ZNF335: variants seen among roughly 807,000 people sequenced by gnomAD.
The protein encoded by ZNF335 is NRC-interacting factor 1.
A neutral mutation model predicts 145.6 loss-of-function variants in ZNF335; 84 were observed. The observed-to-expected ratio is 0.58, with a 90% CI of 0.48 to 0.69. The LOEUF (loss-of-function observed/expected upper bound fraction) is 0.69. Among genes scored for constraint, ZNF335 ranks in the 30% least tolerant of loss-of-function variants. ZNF335 has a pLI of 0.00. For synonymous variants in ZNF335, 761 were observed against 717.0 expected (o/e 1.06, Z -0.98); for missense variants, 1,865 against 1,809.7 (o/e 1.03, Z -0.55).
rs1349497987 is a variant in ZNF335, at chr20:45,948,878, G to A, written c.*75C>T. The A allele has an allele frequency of 2.5e-6, 4 of 1,602,946 alleles. No individual in the cohort carries two copies. The highest frequency in any genetic ancestry group is 3.4e-6 in the Non-Finnish European group (4 of 1,173,128). On this transcript the variant is annotated 3_prime_UTR_variant, in exon 28 of 28. Coordinates refer to ENST00000322927, the MANE Select transcript of ZNF335 (RefSeq NM_022095.4). Reference sequence around the variant, plus strand: ...TATCTGGAGATCCTAAATGAAGAGGGAGGTGAGTCCTGGTGGCCCCCTACC... The same window carrying A: ...TATCTGGAGATCCTAAATGAAGAGGAAGGTGAGTCCTGGTGGCCCCCTACC...
intron 7 of ZNF335, among the ~76,000 whole-genome samples, chr20:45,965,003 C>A (rs929769740): frequency 3.3e-5 from 5 of 150,796 alleles, no homozygotes; most frequent in African/African-American, 4.9e-5. Flanking sequence ...TGCACTCCAG[C>A]CCGGGCAAGA....
chr20:45,963,662 G>C lies in ZNF335; in HGVS notation c.1356-12C>G. 4.3e-6 allele frequency: 7 copies of C among 1,613,988 alleles called. No individual in the cohort carries two copies. Among genetic ancestry groups the C allele is most frequent in the Non-Finnish European group, 5.9e-6 (7 of 1,179,824 alleles). On this transcript the variant is annotated splice_polypyrimidine_tract_variant and intron_variant, in intron 8 of 27. Transcript: ENST00000322927. Reference sequence around the variant, plus strand: ...ACTTGTAATAGTACCTGCAGGATGAGAGTGTGGCGGAAAGGTCTGGTGGGG... The same window carrying C: ...ACTTGTAATAGTACCTGCAGGATGACAGTGTGGCGGAAAGGTCTGGTGGGG...
At chr20:45,953,215 C>T (rs1208633147) in intron 18 of ZNF335, among the ~76,000 whole-genome samples, 1 of 152,230 alleles carries the variant, frequency 6.6e-6, no homozygotes, top group Non-Finnish European at 1.5e-5. Context: ...ATAAACATGC[C>T]TGCCCAAGCT....
Position 45,960,889 on chromosome 20 carries a change from G to C in ZNF335, c.1647-7C>G, listed in dbSNP as rs1346675191. On this transcript the variant is annotated splice_region_variant and splice_polypyrimidine_tract_variant and intron_variant, in intron 10 of 27. Coordinates refer to ENST00000322927, the MANE Select transcript of ZNF335 (RefSeq NM_022095.4). The stretch of plus-strand genomic sequence containing the variant: ...CGGATCTGGCCTCTTCTTCCTGTGG[G>C]GAAAAGGCCGAGGAATTAGACCAGA... The C allele has an allele frequency of 1.9e-6, 3 of 1,613,536 alleles. No homozygotes were observed. The highest frequency in any genetic ancestry group is 2.2e-5 in the East Asian group (1 of 44,852).
Position 45,960,716 on chromosome 20 carries a change from G to C in ZNF335, c.1682C>G (p.Ser561Cys). 1 of 1,614,134 alleles carries C rather than the reference G, an allele frequency of 6.2e-7. No homozygotes were observed. Among genetic ancestry groups the C allele is most frequent in the Non-Finnish European group, 8.5e-7 (1 of 1,179,990 alleles). Residue 561 changes from serine (S) to cysteine (C), a missense_variant, in exon 12 of 28, where the codon TCT (serine) becomes TGT (cysteine). Transcript: ENST00000322927. ...KRPDPTPKLSSFPCPVCGRVY... is the reference protein window; with the variant it reads ...KRPDPTPKLSCFPCPVCGRVY... ...ACGGCCACACACAGGGCAGGGGAAA[G>C]AGCTCAGCTTTGGAGTCTAGGAAGG... is the stretch of plus-strand genomic sequence containing the variant.
Position 45,950,220 on chromosome 20 carries a change from G to C in ZNF335, c.3486C>G (p.His1162Gln). 1 of 1,549,212 alleles carries C rather than the reference G, an allele frequency of 6.5e-7. No homozygotes were observed. The highest frequency in any genetic ancestry group is 1.4e-5 in the African/African-American group (1 of 73,186). ...NSDDETLATLHTALQSSHGVL... is the reference protein window; with the variant it reads ...NSDDETLATLQTALQSSHGVL... ...CCTGTGGCCCCAGGGGCAGCTCACT[G>C]TGCAGGGTGGCCAGTGTTTCGTCAT... The change falls in exon 22 of 28, where the codon CAC (histidine) becomes CAG (glutamine). Residue 1162 changes from histidine to glutamine, a missense_variant and splice_region_variant. Transcript: ENST00000322927.
chr20:45,951,667 C>T (rs1189815091), intron 20 of ZNF335, among the ~76,000 whole-genome samples: 1 of 152,228 alleles, frequency 6.6e-6, no homozygotes, highest in African/African-American at 2.4e-5. Context: ...GGAAGTGGAG[C>T]TCAGGCAGTA....
Position 45,968,038 on chromosome 20 carries a change from G to C in ZNF335, c.521-11C>G. 6.2e-7 allele frequency: 1 copy of C among 1,612,320 alleles called. No homozygotes were observed. The highest frequency in any genetic ancestry group is 8.5e-7 in the Non-Finnish European group (1 of 1,179,974). Reference sequence around the variant, plus strand: ...ATGTCATGGGGGCTCCTGGGGATGGGTGAGGCAATTGGAGGGTGGTTAAAT... The same window carrying C: ...ATGTCATGGGGGCTCCTGGGGATGGCTGAGGCAATTGGAGGGTGGTTAAAT... On this transcript the variant is annotated splice_polypyrimidine_tract_variant and intron_variant, in intron 4 of 27. Transcript: ENST00000322927.
Position 45,953,722 on chromosome 20 carries a change from T to A in ZNF335, c.2669A>T (p.Glu890Val). Residue 890 changes from glutamate (E) to valine (V), a missense_variant, in exon 18 of 28, where the codon GAG (glutamate) becomes GTG (valine). Glu to Val is a moderately radical substitution (Grantham distance 121, BLOSUM62 -2). Transcript: ENST00000322927. Reference protein sequence around the residue: ...GYSVITAPPMEEGTSAPGTPY... With the variant: ...GYSVITAPPMVEGTSAPGTPY... ...TGTGCCAGGAGCTGATGTTCCCTCC[T>A]CCATAGGGGGTGCTGTGATGACACT... 1 of 1,614,058 alleles carries A rather than the reference T, an allele frequency of 6.2e-7. No homozygotes were observed.
chr20:45,959,188 G>A lies in ZNF335; in HGVS notation c.2253+13C>T, dbSNP rs1174474350. On this transcript the variant is annotated intron_variant, in intron 15 of 27. Transcript: ENST00000322927. ...GCCTCACTCTGTCATCCTGACCCAT[G>A]CCCCGACCTTACCTCAGGAGGTCCT... The A allele has an allele frequency of 5.9e-6, 8 of 1,362,610 alleles. No homozygotes were observed. In the African/African-American group the frequency reaches 9.0e-5, roughly 15 times the overall value. The allele number at this position is 1,362,610 out of a possible 1,614,324, so 84.4% of individuals were successfully genotyped here. A position where few individuals can be genotyped will look rare whatever the true frequency, so the allele number is the denominator to read the frequency against.
chr20:45,962,354 C>T (rs904106876), intron 9 of ZNF335, among the ~76,000 whole-genome samples, 172 bp from the exon 10 acceptor site: 1 of 152,272 alleles, frequency 6.6e-6, no homozygotes, highest in Non-Finnish European at 1.5e-5. Context: ...GGCCCGGGGA[C>T]TGTCCCCAGC....
intron 1 of ZNF335, chr20:45,971,843 C>CA (rs1347828145): frequency 1.0e-6 from 1 of 985,102 alleles, no homozygotes; most frequent in Non-Finnish European, 1.2e-6. Flanking sequence ...TGGTTCGCTC[C>CA]CCCCCGGTTC....
At chr20:45,957,062 G>A (rs2083741722) in intron 17 of ZNF335, among the ~76,000 whole-genome samples, 1 of 152,146 alleles carries the variant, frequency 6.6e-6, no homozygotes, top group Non-Finnish European at 1.5e-5. Context: ...CTCTGCCTTG[G>A]AGACCAGGCC....
At chr20:45,962,801 GTT>G (rs1445107629) in intron 9 of ZNF335, among the ~76,000 whole-genome samples, 32 of 93,582 alleles carry the variant, frequency 3.4e-4, no homozygotes, top group Middle Eastern at 5.0e-3. Flanking sequence ...AAAAGGAACC[GTT>G]TTTTTTTTTT....
intron 17 of ZNF335, among the ~76,000 whole-genome samples, chr20:45,955,871 G>C (rs2083719868): frequency 6.6e-6 from 1 of 152,014 alleles, no homozygotes; most frequent in South Asian, 2.1e-4. Flanking sequence ...GTGAAGCACT[G>C]CTTGAATTAA....
chr20:45,964,361 G>A (rs915100886), intron 7 of ZNF335: 1 of 192,166 alleles, frequency 5.2e-6, no homozygotes, highest in Non-Finnish European at 1.1e-5. Flanking sequence ...CCAGAATGGC[G>A]GCTTTGGTGA....
At position 45,955,634 on chromosome 20, in the gene ZNF335, T is replaced by C. The variant is rs867092260; in HGVS notation, c.2443-1686A>G. On this transcript the variant is annotated intron_variant, in intron 17 of 27. Coordinates refer to ENST00000322927, the MANE Select transcript of ZNF335 (RefSeq NM_022095.4). ...AGGAGTTCGAAACTAGCCTGGCCAA[T>C]ATGGTGAAACCCTATCCCTACTAAA... 2.6e-5 allele frequency among the ~76,000 whole-genome samples: 4 copies of C among 151,976 alleles called. No individual in the cohort carries two copies. The South Asian group carries it at 8.3e-4, about 32-fold the overall frequency.
chr20:45,971,023 G>GT (rs1213311620), intron 2 of ZNF335, among the ~76,000 whole-genome samples, 187 bp downstream of exon 2: 4 of 152,332 alleles, frequency 2.6e-5, no homozygotes, highest in Non-Finnish European at 1.5e-5. Context: ...GGAAAAAATG[G>GT]TATGTGTCTT....
At chr20:45,971,504 C>T (rs1337160037) in intron 1 of ZNF335, 44 bp from the exon 2 acceptor site, 6 of 1,534,228 alleles carry the variant, frequency 3.9e-6, no homozygotes, top group Non-Finnish European at 5.2e-6. Flanking sequence ...GGGCCATCTC[C>T]CCAGCCCCGG....
Sources: allele counts gnomAD v4.1 joint callset (sites outside exome capture counted in the v4.1 genomes callset), GRCh38; gene constraint gnomAD v4.1.1; transcripts MANE v1.5; gene names NCBI Gene and HGNC (gene_info 2026-07-23, HGNC 2026-07-21).